The following DCT variants were observed in gnomAD, a reference collection of about 807,000 sequenced individuals.
DCT encodes the protein dopachrome tautomerase, also known as L-dopachrome tautomerase.
DCT carries 47 observed loss-of-function variants against 53.0 expected under a neutral mutation model. The ratio of observed to expected loss-of-function variants is 0.89; its 90% CI spans 0.70 to 1.13. The LOEUF (loss-of-function observed/expected upper bound fraction) is 1.13. DCT is among the 50% of genes most tolerant of loss of function. The pLI is 0.00. For synonymous variants in DCT, 244 were observed against 237.0 expected (o/e 1.03, Z -0.27); for missense variants, 669 against 637.4 (o/e 1.05, Z -0.53).
At position 94,443,364 on chromosome 13, in the gene DCT, A is replaced by C. The variant is rs889382888; in HGVS notation, c.1381+72T>G. On this transcript the variant is annotated intron_variant, in intron 7 of 7. Transcript: ENST00000377028. ...GCTAAAGGTCTTGGTTTACATTATA[A>C]AGAAAGAAAGCAAGAAAGCTAGCTT... is the stretch of plus-strand genomic sequence containing the variant. The C allele has an allele frequency of 3.2e-6, 4 of 1,259,556 alleles. No homozygotes were observed. The African/African-American group carries it at 5.9e-5, about 19-fold the overall frequency. The allele number at this position is 1,259,556 out of a possible 1,614,324, so 78.0% of individuals were successfully genotyped here.
At chr13:94,483,691 G>A (rs1226112781), upstream of DCT, among the ~76,000 whole-genome samples, 4 of 152,110 alleles carry the variant, frequency 2.6e-5, no homozygotes, top group South Asian at 2.1e-4. Context: ...CAGTAGAGAC[G>A]AAGTTTCACC....
intron 6 of DCT, among the ~76,000 whole-genome samples, chr13:94,452,194 G>A (rs529248946): frequency 6.6e-5 from 10 of 151,970 alleles, no homozygotes; most frequent in Admixed American, 4.6e-4. Flanking sequence ...CACCACACCC[G>A]GCTAATTTTT....
intron 1 of DCT, among the ~76,000 whole-genome samples, chr13:94,474,309 C>G (rs11619203): frequency 1.9e-3 from 296 of 152,270 alleles, no homozygotes; most frequent in Non-Finnish European, 3.6e-3. Flanking sequence ...TGAACTGCAT[C>G]AGCTCAACCT....
chr13:94,534,651 A>C, the DCT span, among the ~76,000 whole-genome samples: 1 of 152,226 alleles, frequency 6.6e-6, no homozygotes, highest in African/African-American at 2.4e-5. Context: ...GAAAAAATGG[A>C]AAGCACAGGC....
the DCT span, among the ~76,000 whole-genome samples, chr13:94,500,238 T>C: frequency 1.3e-5 from 2 of 152,170 alleles, no homozygotes; most frequent in Non-Finnish European, 2.9e-5. Context: ...TAGCCGAGAC[T>C]GGGTAATTTA....
chr13:94,444,648 G>C (rs1421949164), intron 6 of DCT, among the ~76,000 whole-genome samples: 1 of 152,198 alleles, frequency 6.6e-6, no homozygotes, highest in Non-Finnish European at 1.5e-5. Context: ...TGGATGGTAA[G>C]TTCAAGGAGC....
the DCT span, among the ~76,000 whole-genome samples, chr13:94,542,266 G>A: frequency 3.4e-4 from 52 of 152,152 alleles, no homozygotes; most frequent in Non-Finnish European, 6.8e-4. Flanking sequence ...TTGGCTCATT[G>A]TAGCCTCCAC....
chr13:94,537,209 T>G, the DCT span, among the ~76,000 whole-genome samples: 2 of 152,248 alleles, frequency 1.3e-5, no homozygotes, highest in Non-Finnish European at 2.9e-5. Context: ...TGTTAGTTTC[T>G]TTAAATTTCT....
rs774781436 is a variant in DCT at position 94,447,422 on chromosome 13, C to G, written c.1180-3785G>C. On this transcript the variant is annotated intron_variant, in intron 6 of 7. Coordinates refer to ENST00000377028, the MANE Select transcript of DCT (RefSeq NM_001922.5). ...CTTATGAGAATCTAATGCTGCTGAT[C>G]TGACAGGAGGCGGAGCTCAAGTGAT... 5.9e-5 allele frequency among the ~76,000 whole-genome samples: 9 copies of G among 152,326 alleles called. No individual in the cohort carries two copies. The South Asian group carries it at 1.0e-3, about 18-fold the overall frequency.
chr13:94,457,281 G>A (rs1182484800), intron 6 of DCT, among the ~76,000 whole-genome samples: 1 of 152,188 alleles, frequency 6.6e-6, no homozygotes, highest in Non-Finnish European at 1.5e-5. Context: ...ATAGAGCCTA[G>A]AAAGAGGTAA....
intron 5 of DCT, among the ~76,000 whole-genome samples, 186 bp downstream of exon 5, chr13:94,461,824 A>C (rs1408977583): frequency 1.3e-5 from 2 of 152,158 alleles, no homozygotes; most frequent in Admixed American, 1.3e-4. Context: ...CCACATTGTT[A>C]GTCATAGTAG....
At chr13:94,502,926 C>T in the DCT span, among the ~76,000 whole-genome samples, 1 of 152,122 alleles carries the variant, frequency 6.6e-6, no homozygotes, top group African/African-American at 2.4e-5. Context: ...AAGTCAGGCT[C>T]ATTGCAAGGA....
chr13:94,531,218 A>C, the DCT span, among the ~76,000 whole-genome samples: 2 of 152,232 alleles, frequency 1.3e-5, no homozygotes, highest in East Asian at 3.9e-4. Context: ...ATATTGCCCA[A>C]GGTAATTTAT....
intron 7 of DCT, among the ~76,000 whole-genome samples, chr13:94,442,431 C>T (rs1882393415): frequency 2.0e-5 from 3 of 152,186 alleles, no homozygotes; most frequent in Admixed American, 1.3e-4. Flanking sequence ...CTCAGCCTCC[C>T]GAGTGGCTGA....
chr13:94,471,098 C>T (rs1884617751), intron 1 of DCT, among the ~76,000 whole-genome samples: 1 of 152,076 alleles, frequency 6.6e-6, no homozygotes, highest in South Asian at 2.1e-4. Context: ...GTACTATGAC[C>T]ATAGGGGAGG....
the DCT span, among the ~76,000 whole-genome samples, chr13:94,531,989 G>A: frequency 0.49 from 74,035 of 151,962 alleles, 20,269 homozygotes; most frequent in African/African-American, 0.74. Context: ...ACGAATAGAC[G>A]CTTCTCAAAA....
chr13:94,471,172 A>G (rs1400056899), intron 1 of DCT, among the ~76,000 whole-genome samples: 1 of 152,218 alleles, frequency 6.6e-6, no homozygotes, highest in Non-Finnish European at 1.5e-5. Context: ...AAAATGATTA[A>G]CAGCATTCTG....
chr13:94,464,921 C>T (rs1287486873), intron 4 of DCT, among the ~76,000 whole-genome samples: 1 of 152,130 alleles, frequency 6.6e-6, no homozygotes, highest in Non-Finnish European at 1.5e-5. Flanking sequence ...TCCTGTGACT[C>T]AGCCATACCA....
chr13:94,470,146 A>T (rs576517404), intron 1 of DCT, among the ~76,000 whole-genome samples: 5 of 152,324 alleles, frequency 3.3e-5, no homozygotes, highest in African/African-American at 1.2e-4. Context: ...TAAATACATA[A>T]ATTAACTGAT....
Sources: gnomAD v4.1 joint callset for allele counts (sites outside exome capture counted in the v4.1 genomes callset) on GRCh38, gnomAD v4.1.1 for gene constraint, MANE v1.5 for transcripts, NCBI Gene and HGNC (gene_info 2026-07-23, HGNC 2026-07-21) for gene names.